NRXN1: variants seen among roughly 807,000 people sequenced by gnomAD.
NRXN1 encodes neurexin 1.
NRXN1 carries 39 observed loss-of-function variants against 150.9 expected under a neutral mutation model. The ratio of observed to expected loss-of-function variants is 0.26; its 90% CI spans 0.20 to 0.34. NRXN1 has a LOEUF of 0.34. Ranked by LOEUF, NRXN1 falls within the 10% of genes least tolerant of loss-of-function variation. The pLI, the probability that NRXN1 is intolerant of heterozygous loss-of-function variation, is 1.00. For missense variants in NRXN1, 1,815 were observed against 1,949.9 expected (o/e 0.93, Z 1.30); for synonymous variants, 924 against 757.0 (o/e 1.22, Z -3.62).
chr2:51,017,791 C>T lies in NRXN1; in HGVS notation c.772+9711G>A, dbSNP rs893993210. ...TAAACATTTAACATTTGTAGCATCACGTATAATTTTAAATAAATAATTACA... is the reference window on the plus strand; with the variant it reads ...TAAACATTTAACATTTGTAGCATCATGTATAATTTTAAATAAATAATTACA... On this transcript the variant is annotated intron_variant, in intron 2 of 22. Coordinates refer to ENST00000401669, the MANE Select transcript of NRXN1 (RefSeq NM_001330078.2). 7.2e-5 allele frequency among the ~76,000 whole-genome samples: 11 copies of T among 151,960 alleles called. No homozygotes were observed. In the East Asian group the frequency reaches 1.6e-3, roughly 21 times the overall value.
At chr2:50,876,863 A>G (rs1027261634) in intron 5 of NRXN1, among the ~76,000 whole-genome samples, 12 of 151,846 alleles carry the variant, frequency 7.9e-5, no homozygotes, top group Non-Finnish European at 1.2e-4. Context: ...CTTAGGGGGT[A>G]CATATGGGAG....
chr2:50,646,912 A>G (rs1360346302), intron 5 of NRXN1, among the ~76,000 whole-genome samples: 2 of 151,874 alleles, frequency 1.3e-5, no homozygotes, highest in Non-Finnish European at 2.9e-5. Flanking sequence ...ACAGGGAGGA[A>G]GAAGGACAGA....
At chr2:49,995,293 T>C (rs541649261) in intron 21 of NRXN1, among the ~76,000 whole-genome samples, 4 of 152,362 alleles carry the variant, frequency 2.6e-5, no homozygotes, top group African/African-American at 9.6e-5. Context: ...AACCTTCTTT[T>C]ACTTTTTAAA....
chr2:50,702,919 G>C (rs945155676), intron 5 of NRXN1, among the ~76,000 whole-genome samples: 4 of 151,908 alleles, frequency 2.6e-5, no homozygotes, highest in African/African-American at 9.7e-5. Flanking sequence ...CCCCTATCAG[G>C]ATGCCCTTTT....
At chr2:50,377,558 TTAAAGTTGGG>T (rs2080607873) in intron 17 of NRXN1, among the ~76,000 whole-genome samples, 2 of 152,158 alleles carry the variant, frequency 1.3e-5, no homozygotes, top group African/African-American at 4.8e-5. Context: ...ATTCTTAAAA[TTAAAGTTGGG>T]ACTAGTTGAT....
intron 18 of NRXN1, among the ~76,000 whole-genome samples, chr2:50,110,455 G>A (rs1217358952): frequency 7.4e-6 from 1 of 135,204 alleles, no homozygotes; most frequent in East Asian, 2.1e-4. Flanking sequence ...TCGCGCCACC[G>A]CACTCCAGCC....
intron 15 of NRXN1, among the ~76,000 whole-genome samples, chr2:50,478,260 T>C (rs557532260): frequency 2.0e-5 from 3 of 152,264 alleles, no homozygotes; most frequent in East Asian, 3.9e-4. Context: ...ATAAATAATA[T>C]TAAACTACTA....
Position 49,918,762 on chromosome 2 carries a change from T to C in NRXN1, c.*3182A>G, listed in dbSNP as rs563732858. ...AAAGAGAGTCAACATTCTTCCTCTA[T>C]AATATAAGGATGGGTCTTCCCTTCA... is the stretch of plus-strand genomic sequence containing the variant. On this transcript the variant is annotated 3_prime_UTR_variant, in exon 23 of 23. Coordinates refer to ENST00000401669, the MANE Select transcript of NRXN1 (RefSeq NM_001330078.2). 9.9e-5 allele frequency: 15 copies of C among 152,246 alleles called. No homozygotes were observed. The highest frequency in any genetic ancestry group is 3.4e-4 in the African/African-American group (14 of 41,564). The allele number at this position is 152,246 out of a possible 1,614,324, so 9.4% of individuals were successfully genotyped here. A position where few individuals can be genotyped will look rare whatever the true frequency, so the allele number is the denominator to read the frequency against.
chr2:51,013,736 G>A (rs1398239732), intron 2 of NRXN1, among the ~76,000 whole-genome samples: 1 of 152,032 alleles, frequency 6.6e-6, no homozygotes, highest in Non-Finnish European at 1.5e-5. Context: ...CTGCTGACCT[G>A]TTCTCACATT....
chr2:50,370,006 G>T (rs779895239), intron 17 of NRXN1, among the ~76,000 whole-genome samples: 4 of 151,992 alleles, frequency 2.6e-5, no homozygotes, highest in African/African-American at 4.8e-5. Context: ...CTTCATAAAA[G>T]AAATTTACTC....
chr2:50,889,580 T>G (rs1680755892), intron 5 of NRXN1, among the ~76,000 whole-genome samples: 1 of 151,738 alleles, frequency 6.6e-6, no homozygotes, highest in South Asian at 2.1e-4. Context: ...GTACATTATT[T>G]TCAGAAAAAA....
chr2:50,645,374 A>T (rs1158730186), intron 5 of NRXN1, among the ~76,000 whole-genome samples: 12 of 152,014 alleles, frequency 7.9e-5, no homozygotes. Flanking sequence ...AATGTATATA[A>T]ATAAGAATGC....
At chr2:51,024,425 T>C (rs558703212) in intron 2 of NRXN1, among the ~76,000 whole-genome samples, 14 of 152,266 alleles carry the variant, frequency 9.2e-5, no homozygotes, top group Admixed American at 5.9e-4. Context: ...ACTGGAAATC[T>C]TATTTGCCAG....
chr2:50,083,452 G>A (rs1257725018), intron 19 of NRXN1, among the ~76,000 whole-genome samples: 2 of 152,142 alleles, frequency 1.3e-5, no homozygotes, highest in African/African-American at 4.8e-5. Context: ...TGGGTTCTTG[G>A]TCTCACTGAC....
intron 5 of NRXN1, among the ~76,000 whole-genome samples, chr2:50,736,891 G>A (rs950949869): frequency 6.6e-6 from 1 of 152,104 alleles, no homozygotes; most frequent in Admixed American, 6.6e-5. Flanking sequence ...GCCCGTTCTT[G>A]ACACTTAATG....
intron 5 of NRXN1, among the ~76,000 whole-genome samples, chr2:50,726,982 G>A (rs1477351864): frequency 2.0e-5 from 3 of 152,022 alleles, no homozygotes; most frequent in Non-Finnish European, 4.4e-5. Context: ...GCCAGAAAGA[G>A]TCAGGCAAGA....
At chr2:50,376,036 C>CATATAT (rs200888302) in intron 17 of NRXN1, among the ~76,000 whole-genome samples, 32,349 of 143,994 alleles carry the variant, frequency 0.22, 3,779 homozygotes, top group East Asian at 0.45. Flanking sequence ...CACATAAATA[C>CATATAT]ATATATATAT....
rs759836513 is a variant in NRXN1 at position 50,621,234 on chromosome 2, G to A, written c.1150C>T (p.His384Tyr). The A allele has an allele frequency of 1.9e-6, 3 of 1,572,338 alleles. No homozygotes were observed. Among genetic ancestry groups the A allele is most frequent in the Admixed American group, 3.7e-5 (2 of 53,732 alleles). The change falls in exon 7 of 23, where the codon CAC (histidine) becomes TAC (tyrosine). Residue 384 changes from histidine to tyrosine, a missense_variant. By Grantham distance (83) the His-to-Tyr change is moderately conservative. Coordinates refer to ENST00000401669, the MANE Select transcript of NRXN1 (RefSeq NM_001330078.2). ...CAATGTAGTTTGTTTACCATAGCGT[G>A]TCCAATGCCTGAGTGCTTTGTGGAG... ...RNLRQHSGIGHAMVTISVDGI... is the reference protein window; with the variant it reads ...RNLRQHSGIGYAMVTISVDGI...
In NRXN1 at chr2:50,878,186, A is replaced by G. The variant is rs549428706; in HGVS notation, c.832+43683T>C. 2.2e-4 allele frequency among the ~76,000 whole-genome samples: 33 copies of G among 152,112 alleles called. 1 individual carries two copies. Among genetic ancestry groups the G allele is most frequent in the African/African-American group, 7.7e-4 (32 of 41,550 alleles). The stretch of plus-strand genomic sequence containing the variant: ...TAAAGTTACTGAAAATAAGAATTTA[A>G]AAGAGGAAAAACTAATGCATTCTAA... On this transcript the variant is annotated intron_variant, in intron 5 of 22. Coordinates refer to ENST00000401669, the MANE Select transcript of NRXN1 (RefSeq NM_001330078.2).
Sources: allele counts gnomAD v4.1 joint callset (sites outside exome capture counted in the v4.1 genomes callset), GRCh38; gene constraint gnomAD v4.1.1; transcripts MANE v1.5; gene names NCBI Gene and HGNC (gene_info 2026-07-23, HGNC 2026-07-21).